The following CSGALNACT1 variants were observed in gnomAD, a reference collection of about 807,000 sequenced individuals.
CSGALNACT1 encodes beta4GalNAcT-1.
A neutral mutation model predicts 51.0 loss-of-function variants in CSGALNACT1; 52 were observed. The observed-to-expected ratio is 1.02, with a 90% confidence interval of 0.82 to 1.29. The LOEUF (loss-of-function observed/expected upper bound fraction) is 1.29, where lower values mean the gene tolerates loss of function less well. CSGALNACT1 is among the 50% of genes most tolerant of loss of function. The pLI is 0.00. For synonymous variants in CSGALNACT1, 341 were observed against 254.4 expected (o/e 1.34, Z -3.24); for missense variants, 935 against 679.2 (o/e 1.38, Z -4.19).
chr8:19,446,810 G>A (rs140034664), intron 5 of CSGALNACT1, among the ~76,000 whole-genome samples: 125 of 152,166 alleles, frequency 8.2e-4, no homozygotes, highest in African/African-American at 2.5e-3. Context: ...CGCCATGTCC[G>A]GCCTGAATAT....
chr8:19,664,244 C>G (rs188360897), intron 1 of CSGALNACT1, among the ~76,000 whole-genome samples: 310 of 152,248 alleles, frequency 2.0e-3, no homozygotes, highest in African/African-American at 7.1e-3. Flanking sequence ...TACAGGATTG[C>G]AGGATGAATA....
Position 19,493,386 on chromosome 8 carries a change from T to C in CSGALNACT1, c.634+11815A>G, listed in dbSNP as rs1164551660. 5.3e-5 allele frequency among the ~76,000 whole-genome samples: 8 copies of C among 152,234 alleles called. No homozygotes were observed. The South Asian group carries it at 1.7e-3, about 32-fold the overall frequency. ...CCCTTTAAAGCAGACAAGCTAATTTTTGTATGTGTTACCAGGTTTGTGCAA... is the reference window on the plus strand; with the variant it reads ...CCCTTTAAAGCAGACAAGCTAATTTCTGTATGTGTTACCAGGTTTGTGCAA... On this transcript the variant is annotated intron_variant, in intron 4 of 9. Coordinates refer to ENST00000454498, the Ensembl canonical transcript of CSGALNACT1.
At chr8:19,514,763 G>A (rs2079195041) in intron 3 of CSGALNACT1, among the ~76,000 whole-genome samples, 1 of 151,452 alleles carries the variant, frequency 6.6e-6, no homozygotes, top group Non-Finnish European at 1.5e-5. Context: ...AACCTGGGAG[G>A]TGGAGGTTGC....
At chr8:19,720,730 A>T (rs1266927039) in intron 1 of CSGALNACT1, among the ~76,000 whole-genome samples, 1 of 152,146 alleles carries the variant, frequency 6.6e-6, no homozygotes, top group Non-Finnish European at 1.5e-5. Context: ...AAAGGGAAAA[A>T]GCTTTCCTCC....
At chr8:19,689,394 T>G (rs2061163421) in intron 1 of CSGALNACT1, among the ~76,000 whole-genome samples, 1 of 152,062 alleles carries the variant, frequency 6.6e-6, no homozygotes, top group African/African-American at 2.4e-5. Flanking sequence ...TGAAAGAGGA[T>G]TCTCCAGCCC....
chr8:19,718,980 T>C (rs367940862), intron 1 of CSGALNACT1, among the ~76,000 whole-genome samples: 142 of 152,330 alleles, frequency 9.3e-4, no homozygotes, highest in African/African-American at 3.2e-3. Flanking sequence ...TAAGCTTCCC[T>C]TAAGTAACCA....
intron 6 of CSGALNACT1, among the ~76,000 whole-genome samples, chr8:19,423,532 C>G (rs746085570): frequency 6.6e-6 from 1 of 152,176 alleles, no homozygotes; most frequent in East Asian, 1.9e-4. Context: ...ATGCTGTTCT[C>G]TCCTCTGCTG....
At chr8:19,474,755 C>A (rs1416551669) in intron 4 of CSGALNACT1, among the ~76,000 whole-genome samples, 1 of 151,638 alleles carries the variant, frequency 6.6e-6, no homozygotes, top group South Asian at 2.1e-4. Context: ...GTAATCCCAG[C>A]TACTCAGGAG....
chr8:19,492,151 T>C (rs2074480602), intron 4 of CSGALNACT1, among the ~76,000 whole-genome samples: 1 of 152,220 alleles, frequency 6.6e-6, no homozygotes, highest in African/African-American at 2.4e-5. Flanking sequence ...TTACAGGATT[T>C]AAGTAACAAA....
intron 3 of CSGALNACT1, among the ~76,000 whole-genome samples, chr8:19,562,526 C>T (rs4922062): frequency 0.35 from 52,322 of 150,076 alleles, 12,015 homozygotes; most frequent in African/African-American, 0.67. Flanking sequence ...AGACAATCTA[C>T]AGAATGGGGA....
At chr8:19,559,686 A>C (rs747897643) in intron 3 of CSGALNACT1, among the ~76,000 whole-genome samples, 11 of 152,230 alleles carry the variant, frequency 7.2e-5, no homozygotes, top group Non-Finnish European at 1.6e-4. Flanking sequence ...ATCCAAAAAA[A>C]AGATACCATC....
intron 1 of CSGALNACT1, among the ~76,000 whole-genome samples, chr8:19,698,628 C>T (rs1177266021): frequency 6.6e-6 from 1 of 152,170 alleles, no homozygotes; most frequent in Non-Finnish European, 1.5e-5. Flanking sequence ...ATGTACCTCA[C>T]ACTTAGTAGG....
At position 19,593,339 on chromosome 8, in the gene CSGALNACT1, T is replaced by C. The variant is rs946157536; in HGVS notation, c.-415-2061A>G. Among the ~76,000 whole-genome samples, 6 of 152,200 alleles carry C rather than the reference T, an allele frequency of 3.9e-5. No individual in the cohort carries two copies. The South Asian group carries it at 6.2e-4, about 16-fold the overall frequency. ...ACCAAACTTAAATGAACAAGATATA[T>C]AGGGACCTTACTGGTAAGGTTCACC... On this transcript the variant is annotated intron_variant, in intron 2 of 9. Coordinates refer to ENST00000454498, the Ensembl canonical transcript of CSGALNACT1.
At chr8:19,453,038 G>T (rs1378923972) in intron 5 of CSGALNACT1, among the ~76,000 whole-genome samples, 2 of 152,160 alleles carry the variant, frequency 1.3e-5, no homozygotes, top group South Asian at 4.1e-4. Context: ...AGAAGGCTGG[G>T]TAGTCCCCTG....
chr8:19,691,017 A>G (rs1038197527), intron 1 of CSGALNACT1, among the ~76,000 whole-genome samples: 3 of 152,228 alleles, frequency 2.0e-5, no homozygotes, highest in African/African-American at 7.2e-5. Flanking sequence ...GCTTGAATCC[A>G]GGAGTTCAAG....
chr8:19,485,855 C>CATTG (rs1271633039), intron 4 of CSGALNACT1, among the ~76,000 whole-genome samples: 1 of 140,298 alleles, frequency 7.1e-6, no homozygotes, highest in African/African-American at 2.6e-5. Context: ...CAACCTCTGC[C>CATTG]TACCAGGTTC....
chr8:19,546,244 A>G (rs1043969435), intron 3 of CSGALNACT1, among the ~76,000 whole-genome samples: 1 of 152,218 alleles, frequency 6.6e-6, no homozygotes, highest in Non-Finnish European at 1.5e-5. Context: ...TACATAAAAC[A>G]TGATTAATCG....
rs144565436 is a variant in CSGALNACT1, at chr8:19,592,981, G to T, written c.-415-1703C>A. 8.5e-4 allele frequency among the ~76,000 whole-genome samples: 129 copies of T among 152,178 alleles called. 3 individuals carry two copies. Among genetic ancestry groups the T allele is most frequent in the African/African-American group, 3.0e-3 (125 of 41,512 alleles). ...ATGCTTTTTGACTTACAATATTTTT[G>T]ACTTACAATAGGCTTATCCAGATAT... On this transcript the variant is annotated intron_variant, in intron 2 of 9. Transcript: ENST00000454498.
chr8:19,482,969 G>A (rs1441359017), intron 4 of CSGALNACT1, among the ~76,000 whole-genome samples: 6 of 152,054 alleles, frequency 3.9e-5, no homozygotes, highest in Non-Finnish European at 7.4e-5. Context: ...AATGAGCTGA[G>A]CTTCATCCTT....
Sources: allele counts gnomAD v4.1 joint callset (sites outside exome capture counted in the v4.1 genomes callset), GRCh38; gene constraint gnomAD v4.1.1; transcripts MANE v1.5; gene names NCBI Gene and HGNC (gene_info 2026-07-23, HGNC 2026-07-21).